PAX6: variants seen among roughly 807,000 people sequenced by gnomAD.
PAX6 encodes paired box 6, also known as paired box protein Pax-6.
Under a neutral mutation model 60.7 loss-of-function variants are expected in PAX6, and 7 were observed. That is an observed-to-expected ratio of 0.12 (90% confidence interval 0.07 to 0.22). The LOEUF (loss-of-function observed/expected upper bound fraction) is 0.22, where lower values mean the gene tolerates loss of function less well. PAX6 is among the 10% of genes least tolerant of loss of function. PAX6 has a pLI of 1.00. For missense variants in PAX6, 355 were observed against 555.2 expected (o/e 0.64, Z 3.62); for synonymous variants, 208 against 201.2 (o/e 1.03, Z -0.29).
upstream of PAX6, among the ~76,000 whole-genome samples, chr11:31,813,389 C>CGGGG (rs71463328): frequency 1.6e-4 from 7 of 44,180 alleles, no homozygotes; most frequent in African/African-American, 5.6e-4. Context: ...TGCGGGGGGG[C>CGGGG]GGGGGGGGGG....
intron 12 of PAX6, chr11:31,791,402 T>C (rs550387002): frequency 1.1e-5 from 2 of 181,550 alleles, no homozygotes; most frequent in South Asian, 2.4e-4. Flanking sequence ...GTTAAAGTGA[T>C]CAGAAGTGTT....
chr11:31,789,965 T>C lies in PAX6; in HGVS notation c.1280A>G (p.Asp427Gly). The C allele has an allele frequency of 6.5e-7, 1 of 1,533,212 alleles. No individual in the cohort carries two copies. The highest frequency in any genetic ancestry group is 9.0e-7 in the Non-Finnish European group (1 of 1,113,430). 95.0% of individuals were successfully genotyped at this position (1,533,212 alleles called of 1,614,324 possible). ...VPVQVPGSEP[D>G]MSQYWPRLQ ...TAATCTTGGCCAGTATTGAGACATA[T>C]CAGGTTCACTTCCGGGAACTTGAAC... Residue 427 changes from aspartate (D) to glycine (G), a missense_variant, in exon 14 of 14, where the codon GAT becomes GGT. By Grantham distance (94) the Asp-to-Gly change is moderately conservative (BLOSUM62 -1). This residue lies in a region of PAX6 where 149 missense variants were observed against 191.9 expected (regional missense o/e 0.78). Coordinates refer to ENST00000640368, the MANE Select transcript of PAX6 (RefSeq NM_001368894.2).
intron 9 of PAX6, chr11:31,794,393 TGAAAA>T (rs1950789779): frequency 1.6e-6 from 1 of 606,954 alleles, no homozygotes; most frequent in African/African-American, 1.9e-5. Flanking sequence ...TACTGGTAGA[TGAAAA>T]GAAGAAACAC....
At chr11:31,801,294 C>A (rs1405547891) in intron 7 of PAX6, 5 of 1,408,474 alleles carry the variant, frequency 3.5e-6, no homozygotes, top group Non-Finnish European at 4.6e-6. Flanking sequence ...TTTCCTTCTT[C>A]ATTCAAGTGC....
In PAX6 at chr11:31,794,696, G is replaced by A. The variant is rs778895282; in HGVS notation, c.658C>T (p.Leu220=). Residue 220 remains leucine, a synonymous_variant, in exon 9 of 14, where the codon CTG becomes TTG. Transcript: ENST00000640368. The part of the protein sequence containing the change: ...DSDEAQMRLQ[L]KRKLQRNRTS... ...CTATTTCTTTGCAGCTTCCGCTTCAGCTGAAGTCGCATTTGAGCCTCATCT... is the reference window on the plus strand; with the variant it reads ...CTATTTCTTTGCAGCTTCCGCTTCAACTGAAGTCGCATTTGAGCCTCATCT... The A allele has an allele frequency of 1.1e-5, 17 of 1,614,034 alleles. No homozygotes were observed. In the Admixed American group the frequency reaches 2.8e-4, roughly 27 times the overall value.
At chr11:31,815,483 C>T (rs902442692), upstream of PAX6, among the ~76,000 whole-genome samples, 1 of 151,952 alleles carries the variant, frequency 6.6e-6, no homozygotes, top group Non-Finnish European at 1.5e-5. Context: ...TGGGAACAGG[C>T]AGGCGGGAAC....
chr11:31,806,557 T>A, intron 3 of PAX6, 95 bp from the exon 4 acceptor site: 2 of 952,364 alleles, frequency 2.1e-6, no homozygotes, highest in South Asian at 1.4e-5. Flanking sequence ...GACAGGAGAA[T>A]CTCCGTTCTT....
chr11:31,802,171 G>A (rs905120379), intron 5 of PAX6: 14 of 485,706 alleles, frequency 2.9e-5, no homozygotes, highest in African/African-American at 2.4e-4. Context: ...AAGAACAAAG[G>A]TAAAAAATAA....
intron 7 of PAX6, 126 bp downstream of exon 7, chr11:31,801,435 G>T: frequency 6.4e-7 from 1 of 1,564,284 alleles, no homozygotes; most frequent in Non-Finnish European, 8.7e-7. Context: ...CAGGTACAAA[G>T]GAGACAAATG....
chr11:31,801,067 C>T (rs933890848), intron 7 of PAX6: 15 of 736,544 alleles, frequency 2.0e-5, no homozygotes, highest in Admixed American at 1.1e-4. Flanking sequence ...GAGAATTGGG[C>T]GGAGGGGGTC....
At chr11:31,799,289 C>T (rs1275200458) in intron 8 of PAX6, among the ~76,000 whole-genome samples, 2 of 151,938 alleles carry the variant, frequency 1.3e-5, no homozygotes, top group South Asian at 2.1e-4. Context: ...GGGGCCCGTG[C>T]GGGCGGGGTC....
chr11:31,805,701 A>T (rs1955573640), intron 4 of PAX6: 1 of 152,746 alleles, frequency 6.5e-6, no homozygotes, highest in Non-Finnish European at 1.5e-5. Context: ...GGGAGGTACA[A>T]GGGCCATAAG....
At chr11:31,806,541 G>A (rs906530301) in intron 3 of PAX6, 79 bp from the exon 4 acceptor site, 3 of 1,076,206 alleles carry the variant, frequency 2.8e-6, no homozygotes, top group African/African-American at 1.6e-5. Context: ...GTGGACCTGG[G>A]GCTAGGACAG....
chr11:31,797,053 A>T (rs1649421034), intron 8 of PAX6, among the ~76,000 whole-genome samples: 1 of 152,146 alleles, frequency 6.6e-6, no homozygotes, highest in Admixed American at 6.5e-5. Flanking sequence ...TGAAGAAGGA[A>T]GACTGGAAAT....
At chr11:31,802,097 C>A in intron 5 of PAX6, 185 bp from the exon 6 acceptor site, 1 of 604,620 alleles carries the variant, frequency 1.7e-6, no homozygotes, top group South Asian at 2.2e-5. Flanking sequence ...CCTGAAGATG[C>A]ATCAAAACGA....
At chr11:31,809,601 G>C (rs1280879348) in intron 2 of PAX6, 3 of 152,194 alleles carry the variant, frequency 2.0e-5, no homozygotes, top group African/African-American at 7.2e-5. Context: ...CAGGGAGACT[G>C]AGAAAATCTG....
intron 8 of PAX6, among the ~76,000 whole-genome samples, chr11:31,798,555 C>A (rs906872881): frequency 3.3e-5 from 5 of 152,214 alleles, no homozygotes; most frequent in Non-Finnish European, 7.3e-5. Context: ...CCGCTACCCC[C>A]ACGCCGGCAA....
chr11:31,812,300 CTCTG>C (rs1170898227), upstream of PAX6: 1,378 of 110,102 alleles, frequency 0.013, 14 homozygotes, highest in African/African-American at 0.024. Context: ...CTCTCTCTCT[CTCTG>C]TGTGTGTGTG....
intron 7 of PAX6, chr11:31,801,288 C>T: frequency 7.1e-7 from 1 of 1,403,188 alleles, no homozygotes; most frequent in African/African-American, 1.4e-5. Flanking sequence ...TCTCATTTTC[C>T]TTCTTCATTC....
Sources: allele counts gnomAD v4.1 joint callset (sites outside exome capture counted in the v4.1 genomes callset), GRCh38; gene constraint gnomAD v4.1.1; regional missense constraint gnomAD v4.1.1; transcripts MANE v1.5; gene names NCBI Gene and HGNC (gene_info 2026-07-23, HGNC 2026-07-21).